The following CASP4 variants were observed in gnomAD, a reference collection of about 807,000 sequenced individuals.
CASP4 encodes the protein caspase 4.
A neutral mutation model predicts 41.3 loss-of-function variants in CASP4; 29 were observed. That is an observed-to-expected ratio of 0.70 (90% CI 0.52 to 0.96). The LOEUF is 0.96. CASP4 is among the 40% of genes least tolerant of loss of function. The pLI is 0.00. For missense variants in CASP4, 447 were observed against 460.6 expected (o/e 0.97, Z 0.27); for synonymous variants, 185 against 158.4 (o/e 1.17, Z -1.26).
At chr11:104,948,790 C>G (rs1860530025) in intron 5 of CASP4, 114 bp from the exon 6 acceptor site, 2 of 742,736 alleles carry the variant, frequency 2.7e-6, no homozygotes, top group Middle Eastern at 2.5e-4. Flanking sequence ...ACATACAGAC[C>G]CACACACATA....
At chr11:104,968,183 T>G (rs1444982193) in intron 1 of CASP4, among the ~76,000 whole-genome samples, 1 of 152,196 alleles carries the variant, frequency 6.6e-6, no homozygotes. Flanking sequence ...GGCAATTAAT[T>G]TGGAATCAAA....
chr11:104,949,502 T>A (rs1860550425), intron 5 of CASP4, 41 bp downstream of exon 5: 1 of 1,594,178 alleles, frequency 6.3e-7, no homozygotes, highest in Non-Finnish European at 8.6e-7. Flanking sequence ...ATCCTCTGCA[T>A]ACACCTTCAT....
chr11:104,945,987 A>G (rs1435808309), intron 7 of CASP4, among the ~76,000 whole-genome samples: 2 of 152,038 alleles, frequency 1.3e-5, no homozygotes, highest in African/African-American at 4.8e-5. Flanking sequence ...CTCGGATTAC[A>G]GGTTCCAGTC....
chr11:104,948,729 T>C (rs772670345), intron 5 of CASP4, 53 bp from the exon 6 acceptor site: 28 of 1,498,008 alleles, frequency 1.9e-5, no homozygotes, highest in Non-Finnish European at 2.3e-5. Context: ...AGAATGGCTG[T>C]CACAGTTGCC....
At chr11:104,962,506 T>C (rs1860883843) in intron 1 of CASP4, among the ~76,000 whole-genome samples, 1 of 152,166 alleles carries the variant, frequency 6.6e-6, no homozygotes, top group African/African-American at 2.4e-5. Context: ...TATCACAAGA[T>C]AGAACATGGG....
intron 6 of CASP4, 129 bp from the exon 7 acceptor site, chr11:104,947,321 G>A: frequency 2.0e-6 from 1 of 509,770 alleles, no homozygotes. Flanking sequence ...TTTGTAGGAA[G>A]CACTTACAAC....
chr11:104,968,477 C>A lies in CASP4; in HGVS notation c.7+42G>T, dbSNP rs573514402. On this transcript the variant is annotated intron_variant, in intron 1 of 8. Transcript: ENST00000444739. The stretch of plus-strand genomic sequence containing the variant: ...TTCAGAGCAATAAATCAAGTGTTTT[C>A]TAAGTTCCTACTCCCAAACTCCTAG... 34 of 1,581,202 alleles carry A rather than the reference C, an allele frequency of 2.2e-5. 1 individual carries two copies. The East Asian group carries it at 7.6e-4, about 35-fold the overall frequency.
At chr11:104,959,275 C>T (rs949366359) in intron 1 of CASP4, among the ~76,000 whole-genome samples, 1 of 152,050 alleles carries the variant, frequency 6.6e-6, no homozygotes, top group African/African-American at 2.4e-5. Flanking sequence ...TAAATCCTAT[C>T]GTTTCTGACA....
At chr11:104,948,452 A>G (rs546344083) in intron 6 of CASP4, 81 bp downstream of exon 6, 2 of 1,334,860 alleles carry the variant, frequency 1.5e-6, no homozygotes, top group Admixed American at 2.2e-5. Flanking sequence ...TCATTGTTTC[A>G]TAGGGATTCT....
chr11:104,949,374 T>G, intron 5 of CASP4, 169 bp downstream of exon 5: 2 of 691,988 alleles, frequency 2.9e-6, no homozygotes. Flanking sequence ...CTAATTTTGA[T>G]GAGACAATTT....
intron 2 of CASP4, 102 bp downstream of exon 2, chr11:104,954,645 G>T: frequency 9.2e-7 from 1 of 1,081,410 alleles, no homozygotes; most frequent in Non-Finnish European, 1.4e-6. Context: ...TGATAGTTTA[G>T]GAAGGGAAAG....
chr11:104,944,987 A>C (rs940314583), intron 7 of CASP4, 136 bp from the exon 8 acceptor site: 2 of 651,466 alleles, frequency 3.1e-6, no homozygotes, highest in Non-Finnish European at 2.8e-6. Context: ...GGGCATTCTA[A>C]CTCCTCAACA....
At chr11:104,949,856 C>A (rs1860564896) in intron 4 of CASP4, 79 bp from the exon 5 acceptor site, 2 of 1,352,256 alleles carry the variant, frequency 1.5e-6, no homozygotes, top group South Asian at 1.2e-5. Flanking sequence ...ATGAGCGAAA[C>A]AAGAAACATA....
chr11:104,951,084 C>G lies in CASP4; in HGVS notation c.387G>C (p.Lys129Asn). 2.5e-6 allele frequency: 4 copies of G among 1,612,802 alleles called. No individual in the cohort carries two copies. Among genetic ancestry groups the G allele is most frequent in the Non-Finnish European group, 3.4e-6 (4 of 1,179,236 alleles). Reference protein sequence around the residue: ...KERAEEIYPIKERNNRTRLAL... With the variant: ...KERAEEIYPINERNNRTRLAL... ...CCAGGCGTGTGCGGTTGTTTCTCTCCTTTATTGGATAGATCTGCAGGATAT... is the reference window on the plus strand; with the variant it reads ...CCAGGCGTGTGCGGTTGTTTCTCTCGTTTATTGGATAGATCTGCAGGATAT... Residue 129 changes from lysine (K) to asparagine (N), a missense_variant, in exon 4 of 9, where the codon AAG becomes AAC. Transcript: ENST00000444739.
chr11:104,952,051 C>T (rs1474149536), intron 2 of CASP4, 46 bp from the exon 3 acceptor site: 1 of 1,136,138 alleles, frequency 8.8e-7, no homozygotes, highest in Non-Finnish European at 1.3e-6. Context: ...GCCTCTGTGA[C>T]CCAATTTATC....
chr11:104,960,741 A>G (rs1311418584), intron 1 of CASP4, among the ~76,000 whole-genome samples: 1 of 152,076 alleles, frequency 6.6e-6, no homozygotes, highest in African/African-American at 2.4e-5. Context: ...AATTGCTGCT[A>G]TTGGATTACA....
intron 1 of CASP4, among the ~76,000 whole-genome samples, chr11:104,966,672 G>A (rs1431499750): frequency 6.6e-6 from 1 of 152,130 alleles, no homozygotes; most frequent in African/African-American, 2.4e-5. Context: ...AGAAAACTGG[G>A]AGAGCTGGGC....
intron 2 of CASP4, among the ~76,000 whole-genome samples, chr11:104,952,940 G>A (rs115181156): frequency 0.013 from 1,947 of 152,244 alleles, 51 homozygotes; most frequent in African/African-American, 0.044. Flanking sequence ...CTGGATCCTG[G>A]ATATTCCCTG....
intron 1 of CASP4, among the ~76,000 whole-genome samples, chr11:104,963,081 A>G (rs1860897796): frequency 6.6e-6 from 1 of 152,250 alleles, no homozygotes; most frequent in Non-Finnish European, 1.5e-5. Flanking sequence ...AAGTTGGGTA[A>G]TACGAAATTT....
Sources: allele counts gnomAD v4.1 joint callset (sites outside exome capture counted in the v4.1 genomes callset), GRCh38; gene constraint gnomAD v4.1.1; transcripts MANE v1.5; gene names NCBI Gene and HGNC (gene_info 2026-07-23, HGNC 2026-07-21).